The following PLEK variants were observed in gnomAD, a reference collection of about 807,000 sequenced individuals.
PLEK encodes the protein platelet 47 kDa protein.
In PLEK, 25 loss-of-function variants were observed where a neutral mutation model predicts 43.9. The ratio of observed to expected loss-of-function variants is 0.57; its 90% CI spans 0.41 to 0.79. The LOEUF is 0.79. Among genes scored for constraint, PLEK ranks in the 30% least tolerant of loss-of-function variants. The pLI, the probability that PLEK is intolerant of heterozygous loss-of-function variation, is 0.00. For synonymous variants in PLEK, 152 were observed against 144.4 expected (o/e 1.05, Z -0.38); for missense variants, 396 against 413.3 (o/e 0.96, Z 0.36).
At chr2:68,392,162 TCTC>T (rs570428213) in intron 6 of PLEK, among the ~76,000 whole-genome samples, 38 of 149,872 alleles carry the variant, frequency 2.5e-4, no homozygotes, top group African/African-American at 6.5e-4. Context: ...CTCCCCCTTT[TCTC>T]CTCCTCCTCC....
chr2:68,393,814 A>T (rs972426744), intron 7 of PLEK, among the ~76,000 whole-genome samples: 3 of 152,124 alleles, frequency 2.0e-5, no homozygotes, highest in Admixed American at 2.0e-4. Flanking sequence ...GCTCTTTTTT[A>T]GTGGGATACA....
intron 5 of PLEK, among the ~76,000 whole-genome samples, chr2:68,387,776 GT>G (rs5831929): frequency 0.28 from 41,306 of 147,678 alleles, 5,792 homozygotes; most frequent in Middle Eastern, 0.36. Context: ...TCCACAGTCT[GT>G]TTTTTTTTTT....
chr2:68,385,295 T>C (rs1452179537), intron 4 of PLEK, among the ~76,000 whole-genome samples: 2 of 152,204 alleles, frequency 1.3e-5, no homozygotes, highest in African/African-American at 4.8e-5. Flanking sequence ...CAAAGCTTCA[T>C]TGTAACCTGC....
At chr2:68,383,603 T>C (rs1673676623) in intron 4 of PLEK, among the ~76,000 whole-genome samples, 1 of 151,856 alleles carries the variant, frequency 6.6e-6, no homozygotes, top group Non-Finnish European at 1.5e-5. Context: ...AGAATATGCA[T>C]CTAGAAAAAG....
Position 68,393,165 on chromosome 2 carries a change from C to T in PLEK, c.766C>T (p.His256Tyr), listed in dbSNP as rs867206089. ...IKQGCLLKQG[H>Y]RRKNWKVRKF... Reference sequence around the variant, plus strand: ...TTAATGTTGATCCTGGATACAGGGGCATAGAAGGAAAAACTGGAAAGTGAG... The same window carrying T: ...TTAATGTTGATCCTGGATACAGGGGTATAGAAGGAAAAACTGGAAAGTGAG... The change falls in exon 7 of 9, where the codon CAT (histidine) becomes TAT (tyrosine). Residue 256 changes from histidine to tyrosine, a missense_variant. Coordinates refer to ENST00000234313, the MANE Select transcript of PLEK (RefSeq NM_002664.3). 1.9e-6 allele frequency: 3 copies of T among 1,601,278 alleles called. No homozygotes were observed. The highest frequency in any genetic ancestry group is 1.7e-5 in the Admixed American group (1 of 59,984).
At chr2:68,373,278 G>A (rs1270743880) in intron 1 of PLEK, among the ~76,000 whole-genome samples, 1 of 152,056 alleles carries the variant, frequency 6.6e-6, no homozygotes, top group Non-Finnish European at 1.5e-5. Context: ...TTTAAGCTTT[G>A]TAAGTGGTCA....
At chr2:68,392,717 A>T (rs781458728) in intron 6 of PLEK, among the ~76,000 whole-genome samples, 2 of 152,214 alleles carry the variant, frequency 1.3e-5, no homozygotes, top group Non-Finnish European at 2.9e-5. Flanking sequence ...TTGATATCCA[A>T]AGCCCACAAT....
At chr2:68,374,259 A>G (rs2165918) in intron 1 of PLEK, among the ~76,000 whole-genome samples, 79,457 of 151,348 alleles carry the variant, frequency 0.52, 22,326 homozygotes, top group East Asian at 0.76. Context: ...ATTTATTACT[A>G]ATAAAATGAC....
At chr2:68,379,172 C>G (rs911009094) in intron 1 of PLEK, among the ~76,000 whole-genome samples, 1 of 151,876 alleles carries the variant, frequency 6.6e-6, no homozygotes, top group African/African-American at 2.4e-5. Context: ...AAAAAAGAGA[C>G]AGAGAGAGAG....
rs1673750401 is a variant in PLEK at position 68,386,671 on chromosome 2, T to A, written c.642T>A (p.Asp214Glu). 6.2e-7 allele frequency: 1 copy of A among 1,613,176 alleles called. No individual in the cohort carries two copies. The highest frequency in any genetic ancestry group is 8.5e-7 in the Non-Finnish European group (1 of 1,179,216). Reference protein sequence around the residue: ...TAENPFLDNPDAFYYFPDSGF... With the variant: ...TAENPFLDNPEAFYYFPDSGF... ...AAAACCCTTTCCTGGACAACCCTGA[T>A]GCCTTCTACTACTTTGTAAGAAAAG... Residue 214 changes from aspartate to glutamate, a missense_variant, in exon 5 of 9, where the codon GAT becomes GAA. Coordinates refer to ENST00000234313, the MANE Select transcript of PLEK (RefSeq NM_002664.3).
At position 68,395,918 on chromosome 2, in the gene PLEK, G is replaced by A; in HGVS notation, c.*102G>A. The A allele has an allele frequency of 9.4e-7, 1 of 1,069,462 alleles. No individual in the cohort carries two copies. The highest frequency in any genetic ancestry group is 2.5e-5 in the East Asian group (1 of 39,376). The allele number at this position is 1,069,462 out of a possible 1,614,324, so 66.2% of individuals were successfully genotyped here. ...GACAAATCAACGGGAAACAGCCCAG[G>A]GGTGGGAAGTTTTCATTTGCAGGGG... On this transcript the variant is annotated 3_prime_UTR_variant, in exon 9 of 9. Coordinates refer to ENST00000234313, the MANE Select transcript of PLEK (RefSeq NM_002664.3).
At chr2:68,365,935 T>C (rs889536396) in intron 1 of PLEK, among the ~76,000 whole-genome samples, 1 of 152,200 alleles carries the variant, frequency 6.6e-6, no homozygotes, top group African/African-American at 2.4e-5. Flanking sequence ...ATCTCTTCAC[T>C]CACAATTCTT....
intron 1 of PLEK, among the ~76,000 whole-genome samples, chr2:68,367,408 T>A (rs1196961109): frequency 6.6e-6 from 1 of 152,184 alleles, no homozygotes; most frequent in Admixed American, 6.5e-5. Flanking sequence ...TTTTTTCTGA[T>A]CCTCTCCCTT....
intron 1 of PLEK, among the ~76,000 whole-genome samples, chr2:68,368,420 G>A (rs542478094): frequency 1.1e-3 from 168 of 152,314 alleles, no homozygotes; most frequent in Non-Finnish European, 2.0e-3. Context: ...TGAAACATGT[G>A]GCAAGAGGAT....
chr2:68,372,714 C>T (rs1019723024), intron 1 of PLEK, among the ~76,000 whole-genome samples: 2 of 152,110 alleles, frequency 1.3e-5, no homozygotes, highest in South Asian at 4.1e-4. Context: ...CACACAGACA[C>T]ACATACACAC....
chr2:68,390,441 G>A (rs954793550), intron 6 of PLEK, among the ~76,000 whole-genome samples: 2 of 152,148 alleles, frequency 1.3e-5, no homozygotes, highest in African/African-American at 2.4e-5. Context: ...TTTCTTAGAA[G>A]CTTCCTTTTT....
chr2:68,386,304 C>T (rs1349870818), intron 4 of PLEK, among the ~76,000 whole-genome samples, 198 bp from the exon 5 acceptor site: 2 of 152,054 alleles, frequency 1.3e-5, no homozygotes, highest in Non-Finnish European at 2.9e-5. Flanking sequence ...TTCTTAAAAA[C>T]CCTTTACATA....
intron 6 of PLEK, among the ~76,000 whole-genome samples, chr2:68,389,706 G>A (rs557827790): frequency 1.3e-3 from 193 of 152,294 alleles, no homozygotes; most frequent in Non-Finnish European, 2.3e-3. Flanking sequence ...GACTATTATA[G>A]TATTTTTTTA....
At chr2:68,383,460 A>G (rs4145319) in intron 4 of PLEK, among the ~76,000 whole-genome samples, 80,212 of 151,682 alleles carry the variant, frequency 0.53, 22,803 homozygotes, top group East Asian at 0.76. Flanking sequence ...GAGGATTTTT[A>G]ATGAGGAGCC....
Sources: allele counts gnomAD v4.1 joint callset (sites outside exome capture counted in the v4.1 genomes callset), GRCh38; gene constraint gnomAD v4.1.1; transcripts MANE v1.5; gene names NCBI Gene and HGNC (gene_info 2026-07-23, HGNC 2026-07-21).